PDE7B: variants seen among roughly 807,000 people sequenced by gnomAD.
The protein encoded by PDE7B is 3',5'-cyclic-AMP phosphodiesterase 7B.
Under a neutral mutation model 56.2 loss-of-function variants are expected in PDE7B, and 29 were observed. That is an observed-to-expected ratio of 0.52 (90% CI 0.38 to 0.70). The LOEUF (loss-of-function observed/expected upper bound fraction) is 0.70, where lower values mean the gene tolerates loss of function less well. Ranked by LOEUF, PDE7B falls within the 30% of genes least tolerant of loss-of-function variation. PDE7B has a pLI of 0.00. For missense variants in PDE7B, 490 were observed against 565.0 expected (o/e 0.87, Z 1.35); for synonymous variants, 197 against 196.9 (o/e 1.00, Z 0.00).
intron 3 of PDE7B, chr6:136,111,139 A>G (rs959470457): frequency 2.6e-5 from 4 of 152,044 alleles, no homozygotes; most frequent in Admixed American, 2.6e-4. Context: ...ATTTTCCTTT[A>G]GCATATTTTC....
At chr6:136,186,286 G>A (rs1052824969) in intron 11 of PDE7B, among the ~76,000 whole-genome samples, 2 of 151,768 alleles carry the variant, frequency 1.3e-5, no homozygotes, top group African/African-American at 4.8e-5. Flanking sequence ...ACATTAGCCG[G>A]GCATGGTGGT....
chr6:135,899,008 C>T (rs111747531), intron 1 of PDE7B, among the ~76,000 whole-genome samples: 15,414 of 151,918 alleles, frequency 0.1, 804 homozygotes, highest in African/African-American at 0.12. Flanking sequence ...GGGGTGGATT[C>T]CCCCATGCTG....
intron 3 of PDE7B, among the ~76,000 whole-genome samples, chr6:136,129,090 C>T (rs1436560867): frequency 6.6e-6 from 1 of 152,236 alleles, no homozygotes; most frequent in Non-Finnish European, 1.5e-5. Context: ...TCCTTACACA[C>T]TCTACCAATC....
chr6:136,176,586 A>G (rs1331811287), intron 9 of PDE7B, among the ~76,000 whole-genome samples: 1 of 152,158 alleles, frequency 6.6e-6, no homozygotes, highest in Non-Finnish European at 1.5e-5. Flanking sequence ...AAATAACAAT[A>G]GAATACGCAT....
chr6:135,978,712 GA>G (rs1775237513), intron 2 of PDE7B, among the ~76,000 whole-genome samples: 1 of 151,466 alleles, frequency 6.6e-6, no homozygotes, highest in African/African-American at 2.4e-5. Flanking sequence ...GTTAAAAACC[GA>G]GACACATTGA....
At chr6:136,105,649 CTA>C (rs1477414276) in intron 2 of PDE7B, among the ~76,000 whole-genome samples, 3 of 152,264 alleles carry the variant, frequency 2.0e-5, no homozygotes, top group South Asian at 2.1e-4. Flanking sequence ...GATAAAATTG[CTA>C]TGATTTATGC....
chr6:135,888,140 A>G (rs1775741845), intron 1 of PDE7B, among the ~76,000 whole-genome samples: 4 of 152,152 alleles, frequency 2.6e-5, no homozygotes, highest in Admixed American at 2.6e-4. Flanking sequence ...CGTAATTGCT[A>G]TGATACCTCT....
intron 8 of PDE7B, among the ~76,000 whole-genome samples, chr6:136,156,549 G>A (rs555615571): frequency 6.6e-6 from 1 of 152,250 alleles, no homozygotes; most frequent in East Asian, 1.9e-4. Context: ...AGAAATTGGG[G>A]TATAGGTCTA....
intron 1 of PDE7B, among the ~76,000 whole-genome samples, chr6:135,901,700 G>T (rs1776003443): frequency 6.6e-6 from 1 of 152,144 alleles, no homozygotes; most frequent in Admixed American, 6.6e-5. Context: ...TTCCAATTGT[G>T]TCCACAATCT....
intron 2 of PDE7B, among the ~76,000 whole-genome samples, chr6:135,967,019 C>T (rs1226543920): frequency 2.0e-5 from 3 of 152,108 alleles, no homozygotes; most frequent in Admixed American, 6.6e-5. Context: ...CAGGACTGGC[C>T]CTTTCCCTGC....
chr6:135,949,463 TG>T (rs1774657995), intron 2 of PDE7B, among the ~76,000 whole-genome samples: 1 of 152,102 alleles, frequency 6.6e-6, no homozygotes, highest in African/African-American at 2.4e-5. Context: ...TCTGCCAGAT[TG>T]CACAAAATTC....
intron 2 of PDE7B, among the ~76,000 whole-genome samples, chr6:136,039,932 C>A (rs1484230925): frequency 6.6e-6 from 1 of 152,160 alleles, no homozygotes; most frequent in Admixed American, 6.5e-5. Context: ...ACAAACTGCA[C>A]CCTTTGATAA....
chr6:136,116,782 A>T (rs1777838060), intron 3 of PDE7B, among the ~76,000 whole-genome samples: 1 of 152,230 alleles, frequency 6.6e-6, no homozygotes, highest in Admixed American at 6.5e-5. Context: ...AATCATAATC[A>T]TTCATGAGCC....
chr6:136,170,806 CCT>C (rs1778867377), intron 8 of PDE7B, among the ~76,000 whole-genome samples: 2 of 152,232 alleles, frequency 1.3e-5, no homozygotes, highest in South Asian at 2.1e-4. Context: ...CTTCTCTCTT[CCT>C]CTCTTATAAA....
At chr6:135,891,347 A>C (rs980267883) in intron 1 of PDE7B, among the ~76,000 whole-genome samples, 2 of 152,258 alleles carry the variant, frequency 1.3e-5, no homozygotes, top group Non-Finnish European at 2.9e-5. Context: ...TGCATATAAA[A>C]TCATAGATCA....
intron 2 of PDE7B, among the ~76,000 whole-genome samples, chr6:136,042,623 G>C (rs1303955909): frequency 6.6e-6 from 1 of 152,130 alleles, no homozygotes; most frequent in Non-Finnish European, 1.5e-5. Flanking sequence ...TACAAAATCA[G>C]AAATTTTCTT....
At chr6:135,928,941 G>A (rs925556451) in intron 1 of PDE7B, among the ~76,000 whole-genome samples, 3 of 152,022 alleles carry the variant, frequency 2.0e-5, no homozygotes, top group Admixed American at 2.0e-4. Context: ...AAACCTGCAC[G>A]TGTACCCTCT....
chr6:135,998,538 C>T (rs566683912), intron 2 of PDE7B, among the ~76,000 whole-genome samples: 66 of 152,172 alleles, frequency 4.3e-4, no homozygotes, highest in African/African-American at 1.4e-3. Flanking sequence ...GGGCAGATCA[C>T]GAGGTCAGGA....
intron 1 of PDE7B, among the ~76,000 whole-genome samples, chr6:135,946,424 A>G (rs1001717996): frequency 6.6e-6 from 1 of 152,072 alleles, no homozygotes; most frequent in African/African-American, 2.4e-5. Context: ...ATAAATCTAG[A>G]AGACAACTTG....
Sources: gnomAD v4.1 joint callset for allele counts (sites outside exome capture counted in the v4.1 genomes callset) on GRCh38, gnomAD v4.1.1 for gene constraint, MANE v1.5 for transcripts, NCBI Gene and HGNC (gene_info 2026-07-23, HGNC 2026-07-21) for gene names.